The following CDC42 variants were observed in gnomAD, a reference collection of about 807,000 sequenced individuals.
CDC42 encodes cell division control protein 42 homolog.
A neutral mutation model predicts 20.8 loss-of-function variants in CDC42; 1 was observed. The observed-to-expected ratio is 0.05, with a 90% confidence interval of 0.02 to 0.23. CDC42 has a LOEUF of 0.23. CDC42 is among the 10% of genes least tolerant of loss of function. The pLI, the probability that CDC42 is intolerant of heterozygous loss-of-function variation, is 1.00. For synonymous variants in CDC42, 72 were observed against 84.8 expected (o/e 0.85, Z 0.83); for missense variants, 49 against 227.9 (o/e 0.21, Z 5.05).
chr1:22,076,915 G>A (rs542570986), intron 1 of CDC42, among the ~76,000 whole-genome samples: 12 of 152,068 alleles, frequency 7.9e-5, no homozygotes, highest in Non-Finnish European at 1.5e-4. Flanking sequence ...TTGGGAGGCC[G>A]AGGTGAGTGG....
At position 22,098,651 on chromosome 1, in the gene CDC42, A is replaced by G. The variant is rs1645772096; in HGVS notation, c.*7134A>G. ...GCATCACTTCTTTAAAGCCCATCAGATTAATGTGCCATTGGTTTGAAAACC... is the reference window on the plus strand; with the variant it reads ...GCATCACTTCTTTAAAGCCCATCAGGTTAATGTGCCATTGGTTTGAAAACC... On this transcript the variant is annotated 3_prime_UTR_variant, in exon 6 of 6. Transcript: ENST00000656825. Among the ~76,000 whole-genome samples the G allele has an allele frequency of 6.6e-6, 1 of 152,232 alleles. No homozygotes were observed. Among genetic ancestry groups the G allele is most frequent in the Non-Finnish European group, 1.5e-5 (1 of 68,036 alleles).
chr1:22,067,932 G>T (rs557608440), intron 1 of CDC42, among the ~76,000 whole-genome samples: 1 of 152,108 alleles, frequency 6.6e-6, no homozygotes, highest in Non-Finnish European at 1.5e-5. Context: ...TAGTGGAAGG[G>T]TAGCTTGAAA....
intron 1 of CDC42, among the ~76,000 whole-genome samples, chr1:22,073,032 ATAGGGCATTTG>A (rs1645509333): frequency 2.0e-5 from 3 of 152,158 alleles, no homozygotes; most frequent in Admixed American, 2.0e-4. Flanking sequence ...GCACGGGAAA[ATAGGGCATTTG>A]TAGCTGGGAG....
intron 2 of CDC42, among the ~76,000 whole-genome samples, chr1:22,079,596 G>A (rs894155675): frequency 3.9e-5 from 6 of 151,956 alleles, no homozygotes; most frequent in African/African-American, 1.4e-4. Context: ...TTTTTTGAAG[G>A]GGGGAGAATT....
intron 1 of CDC42, among the ~76,000 whole-genome samples, chr1:22,069,415 A>G (rs189387752): frequency 1.3e-5 from 2 of 151,596 alleles, no homozygotes; most frequent in African/African-American, 4.8e-5. Flanking sequence ...ACCTCAAGTG[A>G]TCTGCCCGCC....
chr1:22,054,304 C>G (rs1050975977), intron 1 of CDC42, among the ~76,000 whole-genome samples: 6 of 152,120 alleles, frequency 3.9e-5, no homozygotes, highest in Non-Finnish European at 7.3e-5. Context: ...CAGCCTCCGC[C>G]TCCCGGGGTC....
intron 1 of CDC42, 34 bp from the exon 2 acceptor site, chr1:22,078,395 T>G: frequency 9.6e-7 from 1 of 1,044,574 alleles, no homozygotes; most frequent in Non-Finnish European, 1.4e-6. Context: ...CATATGTAAG[T>G]ATAAATAAAC....
chr1:22,072,288 G>A (rs1281065554), intron 1 of CDC42, among the ~76,000 whole-genome samples: 1 of 151,538 alleles, frequency 6.6e-6, no homozygotes, highest in Non-Finnish European at 1.5e-5. Context: ...TAGTAGAGTC[G>A]GGGTTTCGCC....
In CDC42 at chr1:22,086,666, T is replaced by C. The variant is rs745925903; in HGVS notation, c.289-3T>C. ...AGGTGTATTTTAAAATACCTTTTTT[T>C]AGTGGGTGCCTGAGATAACTCACCA... On this transcript the variant is annotated splice_polypyrimidine_tract_variant and splice_region_variant and intron_variant, in intron 4 of 5. Transcript: ENST00000656825. 9.3e-6 allele frequency: 15 copies of C among 1,613,628 alleles called. No homozygotes were observed. The highest frequency in any genetic ancestry group is 2.7e-5 in the African/African-American group (2 of 74,860).
rs1645776240 is a variant in CDC42, at chr1:22,099,436, T to C, written c.*7919T>C. 6.6e-6 allele frequency among the ~76,000 whole-genome samples: 1 copy of C among 152,232 alleles called. No homozygotes were observed. Among genetic ancestry groups the C allele is most frequent in the Admixed American group, 6.5e-5 (1 of 15,288 alleles). On this transcript the variant is annotated 3_prime_UTR_variant, in exon 6 of 6. Coordinates refer to ENST00000656825, the MANE Select transcript of CDC42 (RefSeq NM_001791.4). ...GAGCAGGACTCTGAGACATCATAAT[T>C]GCTTGGTATATGCAGCCAGAGTTGG...
chr1:22,053,256 G>T (rs1261236939), intron 1 of CDC42: 2 of 150,942 alleles, frequency 1.3e-5, no homozygotes, highest in Non-Finnish European at 3.0e-5. Context: ...GACATTTTGC[G>T]GCGGGGGTGG....
In CDC42 at chr1:22,091,277, G is replaced by A; in HGVS notation, c.487-151G>A. The A allele has an allele frequency of 5.2e-6, 3 of 582,010 alleles. No homozygotes were observed. In the South Asian group the frequency reaches 6.7e-5, roughly 13 times the overall value. 36.1% of individuals were successfully genotyped at this position (582,010 alleles called of 1,614,324 possible). A position where few individuals can be genotyped will look rare whatever the true frequency, so the allele number is the denominator to read the frequency against. The stretch of plus-strand genomic sequence containing the variant: ...CCTTCCAGTGCCCTGGACAAATCTT[G>A]GTGAAGTGAGATTATTGTGTTGAGA... On this transcript the variant is annotated intron_variant, in intron 5 of 5. Coordinates refer to ENST00000656825, the MANE Select transcript of CDC42 (RefSeq NM_001791.4).
intron 1 of CDC42, among the ~76,000 whole-genome samples, chr1:22,065,385 G>A (rs921003296): frequency 6.6e-6 from 1 of 152,150 alleles, no homozygotes; most frequent in African/African-American, 2.4e-5. Context: ...TTGGAATGAA[G>A]GGATTTCTGA....
chr1:22,055,984 C>T (rs1645301285), intron 1 of CDC42, among the ~76,000 whole-genome samples: 1 of 146,914 alleles, frequency 6.8e-6, no homozygotes, highest in Non-Finnish European at 1.5e-5. Flanking sequence ...ATGAAAATAT[C>T]TCTCTGTATT....
chr1:22,084,519 T>G (rs1018635935), intron 3 of CDC42, among the ~76,000 whole-genome samples: 40 of 151,990 alleles, frequency 2.6e-4, no homozygotes, highest in African/African-American at 8.0e-4. Context: ...AATTGGGATT[T>G]TTTTTTTGGG....
chr1:22,092,721 TC>T lies in CDC42; in HGVS notation c.*1205del, dbSNP rs1174589180. The T allele has an allele frequency of 6.6e-6, 1 of 152,612 alleles. No individual in the cohort carries two copies. The highest frequency in any genetic ancestry group is 1.5e-5 in the Non-Finnish European group (1 of 68,034). The allele number at this position is 152,612 out of a possible 1,614,324, so 9.5% of individuals were successfully genotyped here. ...GTGAGGCTCTCTAGTTTAATAAAAATCATGGAAAGACTCTTAATGCAGACTC... is the reference window on the plus strand; with the variant it reads ...GTGAGGCTCTCTAGTTTAATAAAAATATGGAAAGACTCTTAATGCAGACTC... On this transcript the variant is annotated 3_prime_UTR_variant, in exon 6 of 6. Transcript: ENST00000656825.
intron 5 of CDC42, among the ~76,000 whole-genome samples, chr1:22,087,581 C>CT (rs559205928): frequency 2.0e-5 from 3 of 152,096 alleles, no homozygotes; most frequent in Admixed American, 6.5e-5. Flanking sequence ...TGATTCCGTC[C>CT]TTTGAGTACT....
At chr1:22,088,280 C>T (rs1393277738) in intron 5 of CDC42, among the ~76,000 whole-genome samples, 1 of 152,142 alleles carries the variant, frequency 6.6e-6, no homozygotes, top group Non-Finnish European at 1.5e-5. Flanking sequence ...TACCTCTGTT[C>T]TCTAGATATG....
At chr1:22,083,938 A>G (rs1645633591) in intron 3 of CDC42, among the ~76,000 whole-genome samples, 1 of 152,106 alleles carries the variant, frequency 6.6e-6, no homozygotes, top group Non-Finnish European at 1.5e-5. Context: ...ACATAGCATA[A>G]TGTTTGTGAG....
Sources: allele counts gnomAD v4.1 joint callset (sites outside exome capture counted in the v4.1 genomes callset), GRCh38; gene constraint gnomAD v4.1.1; transcripts MANE v1.5; gene names NCBI Gene and HGNC (gene_info 2026-07-23, HGNC 2026-07-21).